REXO1: variants seen among roughly 807,000 people sequenced by gnomAD.
REXO1 encodes REX1, RNA exonuclease 1 homolog.
In REXO1, 42 loss-of-function variants were observed where a neutral mutation model predicts 102.6. That is an observed-to-expected ratio of 0.41 (90% CI 0.32 to 0.53). The LOEUF (loss-of-function observed/expected upper bound fraction) is 0.53, where lower values mean the gene tolerates loss of function less well. Ranked by LOEUF, REXO1 falls within the 20% of genes least tolerant of loss-of-function variation. The pLI is 0.27. For synonymous variants in REXO1, 908 were observed against 779.1 expected, an observed-to-expected ratio of 1.17 and a Z score of -2.76; for missense variants, 1,819 against 1,732.5, an observed-to-expected ratio of 1.05 and a Z score of -0.89.
rs1261386816 is a variant in REXO1, at chr19:1,819,218, C to T, written c.2651-87G>A. On this transcript the variant is annotated intron_variant, in intron 7 of 15. Coordinates refer to ENST00000170168, the MANE Select transcript of REXO1 (RefSeq NM_020695.4). ...CTGCTCTCCCACCCACCCTGCCCTC[C>T]TCAGACCTCTGCCTCAACTCCCCCT... 5.0e-6 allele frequency: 5 copies of T among 1,000,098 alleles called. No individual in the cohort carries two copies. In the East Asian group the frequency reaches 7.8e-5, roughly 16 times the overall value. The allele number at this position is 1,000,098 out of a possible 1,614,324, so 62.0% of individuals were successfully genotyped here.
At position 1,827,350 on chromosome 19, in the gene REXO1, G is replaced by A. The variant is rs933965486; in HGVS notation, c.1439C>T (p.Pro480Leu). The A allele has an allele frequency of 6.5e-7, 1 of 1,549,038 alleles. No homozygotes were observed. Among genetic ancestry groups the A allele is most frequent in the Non-Finnish European group, 8.7e-7 (1 of 1,151,628 alleles). The change falls in exon 2 of 16, where the codon CCC becomes CTC. Residue 480 changes from proline (P) to leucine (L), a missense_variant. Physicochemically the swap from Pro to Leu is moderately conservative, Grantham distance 98. Transcript: ENST00000170168. ...CGGGGCCTTGGTGCTCTTCCTGTCG[G>A]GCAGCTGGAGGGGGCGGGGTGGGCC... is the stretch of plus-strand genomic sequence containing the variant. Reference protein sequence around the residue: ...GRGPPRPLQLPDRKSTKAPSG... With the variant: ...GRGPPRPLQLLDRKSTKAPSG...
At chr19:1,819,521 C>T (rs910627158) in intron 7 of REXO1, among the ~76,000 whole-genome samples, 9 of 152,186 alleles carry the variant, frequency 5.9e-5, no homozygotes, top group Admixed American at 1.3e-4. Flanking sequence ...CTAATGCAGG[C>T]GGGGACGGGG....
At chr19:1,832,423 G>A (rs1191934439) in intron 1 of REXO1, among the ~76,000 whole-genome samples, 1 of 152,352 alleles carries the variant, frequency 6.6e-6, no homozygotes, top group East Asian at 1.9e-4. Flanking sequence ...ACCTGCGAAG[G>A]CGGAAGGCCC....
Position 1,828,029 on chromosome 19 carries a change from G to C in REXO1, c.760C>G (p.Arg254Gly). Residue 254 changes from arginine (R) to glycine (G), a missense_variant, in exon 2 of 16, where the codon CGG (arginine) becomes GGG (glycine). Arg to Gly is a moderately radical substitution (Grantham distance 125, BLOSUM62 -2). Coordinates refer to ENST00000170168, the MANE Select transcript of REXO1 (RefSeq NM_020695.4). ...HLSRASSRDE[R>G]AAKRPRGSRG... ...GAGCCCCGGGGCCGCTTGGCGGCCCGCTCATCCCGGGAGCTGGCCCTGCTG... is the reference window on the plus strand; with the variant it reads ...GAGCCCCGGGGCCGCTTGGCGGCCCCCTCATCCCGGGAGCTGGCCCTGCTG... 2 of 1,612,756 alleles carry C rather than the reference G, an allele frequency of 1.2e-6. No individual in the cohort carries two copies. The highest frequency in any genetic ancestry group is 1.7e-6 in the Non-Finnish European group (2 of 1,179,704).
intron 10 of REXO1, 26 bp from the exon 11 acceptor site, chr19:1,817,806 A>G (rs1281924884): frequency 1.2e-6 from 2 of 1,602,074 alleles, no homozygotes; most frequent in African/African-American, 2.7e-5. Context: ...ACACACAGTC[A>G]GGGCCCGGCC....
chr19:1,843,262 C>A (rs573810879), intron 1 of REXO1, among the ~76,000 whole-genome samples: 1 of 150,822 alleles, frequency 6.6e-6, no homozygotes, highest in African/African-American at 2.4e-5. Flanking sequence ...AACCCCCCGC[C>A]CGGAGGGTCC....
chr19:1,836,565 G>A (rs2070042271), intron 1 of REXO1, among the ~76,000 whole-genome samples: 1 of 152,030 alleles, frequency 6.6e-6, no homozygotes, highest in Non-Finnish European at 1.5e-5. Flanking sequence ...GGACAATAAG[G>A]TAAAACCCCG....
intron 1 of REXO1, among the ~76,000 whole-genome samples, chr19:1,836,743 CAAAAAAAA>C (rs1185957602): frequency 6.2e-5 from 4 of 64,602 alleles, no homozygotes; most frequent in Non-Finnish European, 8.5e-5. Context: ...AAGACTGTCT[CAAAAAAAA>C]AAAAAAAAAA....
In REXO1 at chr19:1,828,370, G is replaced by A. The variant is rs551265622; in HGVS notation, c.419C>T (p.Pro140Leu). Residue 140 changes from proline to leucine, a missense_variant, in exon 2 of 16, where the codon CCG becomes CTG. Coordinates refer to ENST00000170168, the MANE Select transcript of REXO1 (RefSeq NM_020695.4). Reference protein sequence around the residue: ...RGPNASPTVGPDEDAFPLAFD... With the variant: ...RGPNASPTVGLDEDAFPLAFD... ...GGCCAGTGGGAAGGCATCCTCGTCCGGGCCCACAGTGGGGCTGGCGTTGGG... is the reference window on the plus strand; with the variant it reads ...GGCCAGTGGGAAGGCATCCTCGTCCAGGCCCACAGTGGGGCTGGCGTTGGG... The A allele has an allele frequency of 9.0e-5, 145 of 1,609,076 alleles. 2 individuals carry two copies. The highest frequency in any genetic ancestry group is 6.7e-4 in the South Asian group (61 of 90,754).
intron 12 of REXO1, 172 bp downstream of exon 12, chr19:1,817,047 G>T: frequency 1.2e-6 from 1 of 847,478 alleles, no homozygotes; most frequent in Non-Finnish European, 1.8e-6. Context: ...GCTTGGCTCT[G>T]CTGGGAAGTA....
chr19:1,844,528 G>A (rs1192710086), intron 1 of REXO1, among the ~76,000 whole-genome samples: 3 of 152,160 alleles, frequency 2.0e-5, no homozygotes, highest in African/African-American at 7.2e-5. Flanking sequence ...AGTAGATACT[G>A]GGTACACAGT....
In REXO1 at chr19:1,815,778, G is replaced by T; in HGVS notation, c.*288C>A. 1 of 1,452,490 alleles carries T rather than the reference G, an allele frequency of 6.9e-7. No individual in the cohort carries two copies. Among genetic ancestry groups the T allele is most frequent in the Non-Finnish European group, 9.1e-7 (1 of 1,098,018 alleles). The allele number at this position is 1,452,490 out of a possible 1,614,324, so 90.0% of individuals were successfully genotyped here. A position where few individuals can be genotyped will look rare whatever the true frequency, so the allele number is the denominator to read the frequency against. ...AGGGCCTGGCAGGAGGGGCAGGAGG[G>T]GCTGCGGGCCGGGTGGGGGCGGGCT... On this transcript the variant is annotated 3_prime_UTR_variant, in exon 16 of 16. Transcript: ENST00000170168. The surrounding 1 kb of genome is among the most constrained non-coding windows in gnomAD (Gnocchi z 4.0).
chr19:1,831,306 C>G (rs764678674), intron 1 of REXO1, among the ~76,000 whole-genome samples: 6 of 152,228 alleles, frequency 3.9e-5, no homozygotes, highest in Non-Finnish European at 8.8e-5. Context: ...TGCAGCTTGT[C>G]TGAAGGTCGG....
chr19:1,839,412 G>A (rs543498518), intron 1 of REXO1, among the ~76,000 whole-genome samples: 1 of 152,356 alleles, frequency 6.6e-6, no homozygotes, highest in East Asian at 1.9e-4. Flanking sequence ...GCCTCTTCCA[G>A]GGGCTCACAG....
At chr19:1,840,269 A>G (rs561077961) in intron 1 of REXO1, among the ~76,000 whole-genome samples, 42 of 152,262 alleles carry the variant, frequency 2.8e-4, no homozygotes, top group Non-Finnish European at 5.0e-4. Context: ...GAAGGAAGGA[A>G]AGTGGGAAGG....
At chr19:1,817,122 C>T in intron 12 of REXO1, 97 bp downstream of exon 12, 1 of 1,018,562 alleles carries the variant, frequency 9.8e-7, no homozygotes, top group East Asian at 2.7e-5. Context: ...TGAGCGCTGG[C>T]CGGTGAGCCA....
chr19:1,838,914 C>T (rs562284407), intron 1 of REXO1, among the ~76,000 whole-genome samples: 8 of 151,928 alleles, frequency 5.3e-5, no homozygotes, highest in East Asian at 1.9e-4. Context: ...CCCAGGAGTT[C>T]GAGACCAGCC....
intron 12 of REXO1, 95 bp downstream of exon 12, chr19:1,817,124 G>A (rs926348871): frequency 6.1e-5 from 89 of 1,462,188 alleles, no homozygotes; most frequent in Middle Eastern, 2.4e-4. Context: ...AGCGCTGGCC[G>A]GTGAGCCAGG....
Position 1,816,095 on chromosome 19 carries a change from C to A in REXO1, c.3637G>T (p.Val1213Phe), listed in dbSNP as rs1257737551. The change falls in exon 16 of 16, where the codon GTT becomes TTT. Residue 1213 changes from valine to phenylalanine, a missense_variant. Physicochemically the swap from Val to Phe is conservative, Grantham distance 50 (BLOSUM62 -1). Coordinates refer to ENST00000170168, the MANE Select transcript of REXO1 (RefSeq NM_020695.4). Reference protein sequence around the residue: ...GACMHLVIWKVREDAKTKR With the variant: ...GACMHLVIWKFREDAKTKR ...CGCTTGGTCTTGGCGTCTTCTCGAA[C>A]CTTCCAGATCACCAGGTGCATGCAG... is the stretch of plus-strand genomic sequence containing the variant. The A allele has an allele frequency of 1.9e-6, 3 of 1,548,402 alleles. No individual in the cohort carries two copies. Among genetic ancestry groups the A allele is most frequent in the African/African-American group, 2.7e-5 (2 of 73,130 alleles).
Sources: allele counts gnomAD v4.1 joint callset (sites outside exome capture counted in the v4.1 genomes callset), GRCh38; gene constraint gnomAD v4.1.1; non-coding constraint Gnocchi (gnomAD v3.1); transcripts MANE v1.5; gene names NCBI Gene and HGNC (gene_info 2026-07-23, HGNC 2026-07-21).